The following DAB1 variants were observed in gnomAD, a reference collection of about 807,000 sequenced individuals.
DAB1 encodes the protein DAB adaptor protein 1.
Under a neutral mutation model 64.6 loss-of-function variants are expected in DAB1, and 15 were observed. That is an observed-to-expected ratio of 0.23 (90% CI 0.16 to 0.36). The LOEUF (loss-of-function observed/expected upper bound fraction) is 0.36. Ranked by LOEUF, DAB1 falls within the 10% of genes least tolerant of loss-of-function variation. The pLI is 1.00. For synonymous variants in DAB1, 235 were observed against 251.9 expected (o/e 0.93, Z 0.64); for missense variants, 596 against 706.7 (o/e 0.84, Z 1.78).
At chr1:57,531,017 C>T (rs1025221535) in intron 7 of DAB1, among the ~76,000 whole-genome samples, 21 of 152,134 alleles carry the variant, frequency 1.4e-4, no homozygotes, top group African/African-American at 4.6e-4. Context: ...GAGAGACTTA[C>T]TTTTGATTTA....
Position 57,843,255 on chromosome 1 carries a change from T to C in DAB1, n.88-16800A>G, listed in dbSNP as rs751810782. 2.0e-5 allele frequency among the ~76,000 whole-genome samples: 3 copies of C among 152,350 alleles called. No homozygotes were observed. In the South Asian group the frequency reaches 6.2e-4, roughly 32 times the overall value. On this transcript the variant is annotated intron_variant and non_coding_transcript_variant, in intron 1 of 1. Transcript: ENST00000477280. ...TTACAGAATAAAAGGTTTTTTCTTTTGTCTACCCTTGACTGTGTGCACCTT... is the reference window on the plus strand; with the variant it reads ...TTACAGAATAAAAGGTTTTTTCTTTCGTCTACCCTTGACTGTGTGCACCTT...
upstream of DAB1, among the ~76,000 whole-genome samples, chr1:57,888,020 C>G (rs569217025): frequency 1.3e-5 from 2 of 152,114 alleles, no homozygotes; most frequent in African/African-American, 4.8e-5. Context: ...GGAAAAGAAA[C>G]CAACTCTTCA....
At chr1:57,448,446 GA>G (rs1322540165) in intron 7 of DAB1, among the ~76,000 whole-genome samples, 1 of 152,202 alleles carries the variant, frequency 6.6e-6, no homozygotes, top group South Asian at 2.1e-4. Context: ...TAGTTAGATG[GA>G]AAAAACCCTT....
At chr1:57,305,396 A>T (rs547506185) in intron 1 of DAB1, among the ~76,000 whole-genome samples, 1 of 152,310 alleles carries the variant, frequency 6.6e-6, no homozygotes, top group East Asian at 1.9e-4. Context: ...TCCTGCTAGG[A>T]CCCAGCACTG....
chr1:58,501,507 C>G (rs148145612), intron 3 of DAB1, among the ~76,000 whole-genome samples: 1 of 152,330 alleles, frequency 6.6e-6, no homozygotes, highest in East Asian at 1.9e-4. Flanking sequence ...GGCCCACGCC[C>G]TCCCCCTTCC....
chr1:57,391,766 A>AACACACACACACAC (rs57332880), intron 1 of DAB1, among the ~76,000 whole-genome samples: 11 of 94,650 alleles, frequency 1.2e-4, no homozygotes, highest in South Asian at 1.1e-3. Flanking sequence ...CAGAGGAATA[A>AACACACACACACAC]ACACACACAC....
intron 4 of DAB1, among the ~76,000 whole-genome samples, chr1:58,173,390 C>T (rs1570446104): frequency 6.6e-6 from 1 of 152,300 alleles, no homozygotes; most frequent in African/African-American, 2.4e-5. Context: ...ATCATCATCT[C>T]TTCCCTGCTT....
intron 1 of DAB1, chr1:57,876,312 T>C (rs1644045013): frequency 6.6e-6 from 1 of 152,074 alleles, no homozygotes; most frequent in African/African-American, 2.4e-5. Flanking sequence ...TAAATAACGA[T>C]GTCCCCAGAA....
At chr1:57,711,639 AGACAGATTGG>A (rs1647031325) in intron 6 of DAB1, among the ~76,000 whole-genome samples, 3 of 152,330 alleles carry the variant, frequency 2.0e-5, no homozygotes, top group East Asian at 3.9e-4. Context: ...GTTGTTAGAA[AGACAGATTGG>A]GATAAGCAGG....
chr1:57,588,361 G>A (rs949141872), intron 7 of DAB1, among the ~76,000 whole-genome samples: 1 of 152,076 alleles, frequency 6.6e-6, no homozygotes, highest in Non-Finnish European at 1.5e-5. Context: ...GTAAAATAAT[G>A]GTAAAGTTAA....
At chr1:57,565,779 T>C (rs1645112581) in intron 7 of DAB1, among the ~76,000 whole-genome samples, 1 of 152,032 alleles carries the variant, frequency 6.6e-6, no homozygotes, top group South Asian at 2.1e-4. Context: ...ATAAAGCAGC[T>C]CCTTAGAGAC....
Position 57,278,610 on chromosome 1 carries a change from T to C in DAB1, c.67+12354A>G, listed in dbSNP as rs12567904. On this transcript the variant is annotated intron_variant, in intron 2 of 14. Coordinates refer to ENST00000371236, the MANE Select transcript of DAB1 (RefSeq NM_001365792.1). The stretch of plus-strand genomic sequence containing the variant: ...ATTCTGAGGAGGAGCTCTATGGCAG[T>C]GCTATCTGAGCTATGTCTCAGAGGA... 8.2e-3 allele frequency among the ~76,000 whole-genome samples: 1,252 copies of C among 152,268 alleles called. 32 individuals carry two copies. Among genetic ancestry groups the C allele is most frequent in the East Asian group, 0.082 (421 of 5,162 alleles).
chr1:57,838,771 CTT>C (rs5774374), intron 1 of DAB1, among the ~76,000 whole-genome samples: 67 of 141,352 alleles, frequency 4.7e-4, no homozygotes, highest in Middle Eastern at 3.6e-3. Context: ...TTCTTTCTTC[CTT>C]TTTTTTTTTT....
chr1:57,720,669 G>A (rs1647139386), intron 6 of DAB1, among the ~76,000 whole-genome samples: 2 of 152,190 alleles, frequency 1.3e-5, no homozygotes, highest in South Asian at 4.1e-4. Flanking sequence ...AATATCAAGT[G>A]CTTTGGCACA....
intron 1 of DAB1, among the ~76,000 whole-genome samples, chr1:57,338,982 T>C (rs773219450): frequency 1.2e-4 from 19 of 152,116 alleles, no homozygotes; most frequent in Admixed American, 7.2e-4. Flanking sequence ...CTCTGTAAAA[T>C]AGGGATAAGG....
At chr1:58,400,164 C>G (rs914868667) in intron 3 of DAB1, among the ~76,000 whole-genome samples, 6 of 151,722 alleles carry the variant, frequency 4.0e-5, no homozygotes, top group Non-Finnish European at 8.8e-5. Context: ...CTCTGCCTTT[C>G]TCTGCATCTC....
At chr1:57,462,602 T>C (rs1686821422) in intron 7 of DAB1, among the ~76,000 whole-genome samples, 1 of 152,202 alleles carries the variant, frequency 6.6e-6, no homozygotes, top group Admixed American at 6.5e-5. Context: ...ATTAACTCAT[T>C]TTTCTTCTTA....
intron 1 of DAB1, among the ~76,000 whole-genome samples, chr1:58,543,092 ACCTC>A (rs1646647186): frequency 6.6e-6 from 1 of 151,666 alleles, no homozygotes; most frequent in Non-Finnish European, 1.5e-5. Flanking sequence ...AGAGAATAAG[ACCTC>A]CCTGATTCCC....
chr1:58,047,201 G>C (rs1324247818), intron 5 of DAB1, among the ~76,000 whole-genome samples: 1 of 152,178 alleles, frequency 6.6e-6, no homozygotes, highest in Non-Finnish European at 1.5e-5. Flanking sequence ...AGCCACATAT[G>C]TCACCTTAAA....
Sources: allele counts gnomAD v4.1 joint callset (sites outside exome capture counted in the v4.1 genomes callset), GRCh38; gene constraint gnomAD v4.1.1; transcripts MANE v1.5; gene names NCBI Gene and HGNC (gene_info 2026-07-23, HGNC 2026-07-21).